Variants in WDR18 observed in about 807,000 individuals in gnomAD.
WDR18 encodes WD repeat-containing protein 18.
WDR18 carries 33 observed loss-of-function variants against 49.6 expected under a neutral mutation model. The observed-to-expected ratio is 0.67, with a 90% CI of 0.50 to 0.89. The LOEUF (loss-of-function observed/expected upper bound fraction) is 0.89, where lower values mean the gene tolerates loss of function less well. Among genes scored for constraint, WDR18 ranks in the 40% least tolerant of loss-of-function variants. The probability of loss-of-function intolerance (pLI) is 0.00; values close to 1 mark genes in which losing one functional copy is unlikely to be tolerated. For missense variants in WDR18, 653 were observed against 593.6 expected (o/e 1.10, Z -1.04); for synonymous variants, 315 against 263.6 (o/e 1.19, Z -1.89).
At chr19:992,433 G>A (rs536450110) in intron 8 of WDR18, among the ~76,000 whole-genome samples, 2 of 152,368 alleles carry the variant, frequency 1.3e-5, no homozygotes, top group South Asian at 2.1e-4. Context: ...GCAAAAGGCC[G>A]ATGCCCCATA....
intron 6 of WDR18, 35 bp from the exon 7 acceptor site, chr19:991,192 G>C: frequency 2.1e-6 from 3 of 1,432,156 alleles, no homozygotes. Context: ...CGTCCTGTCT[G>C]GCACGTCCCA....
Position 985,989 on chromosome 19 carries a change from A to G in WDR18, c.321+14A>G. 6.2e-7 allele frequency: 1 copy of G among 1,611,676 alleles called. No homozygotes were observed. Among genetic ancestry groups the G allele is most frequent in the Non-Finnish European group, 8.5e-7 (1 of 1,178,362 alleles). ...CACCTGTGGGAGGTAAGAGGAGCAA[A>G]GCGTGAGCGTTTCCCACAGGACATC... On this transcript the variant is annotated intron_variant, in intron 2 of 9. Coordinates refer to ENST00000585809, the MANE Select transcript of WDR18 (RefSeq NM_024100.4).
chr19:994,025 G>T lies in WDR18; in HGVS notation c.1104G>T (p.Ser368=). 1.3e-6 allele frequency: 2 copies of T among 1,554,890 alleles called. No homozygotes were observed. The highest frequency in any genetic ancestry group is 8.7e-7 in the Non-Finnish European group (1 of 1,150,142). The stretch of plus-strand genomic sequence containing the variant: ...CGTGGCTCCCTGTGTTACAGGGCTC[G>T]GAGCCCAGCTACCTGGACCGCACGG... ...TLRLGLHQQG[S]EPSYLDRTEQ... is the part of the protein sequence containing the mutation. Residue 368 remains serine (S), a synonymous_variant, in exon 9 of 10, where the codon TCG becomes TCT. Transcript: ENST00000585809.
Position 992,216 on chromosome 19 carries a change from C to T in WDR18, c.1098+95C>T, listed in dbSNP as rs1384073005. The T allele has an allele frequency of 4.4e-6, 6 of 1,351,010 alleles. No homozygotes were observed. In the South Asian group the frequency reaches 6.7e-5, roughly 15 times the overall value. The allele number at this position is 1,351,010 out of a possible 1,614,324, so 83.7% of individuals were successfully genotyped here. On this transcript the variant is annotated intron_variant, in intron 8 of 9. Coordinates refer to ENST00000585809, the MANE Select transcript of WDR18 (RefSeq NM_024100.4). Reference sequence around the variant, plus strand: ...CGCTCCCTTGGTCCTGGCGCCCGTGCGGCGGTTCCCCACAAGCCCGGCACT... The same window carrying T: ...CGCTCCCTTGGTCCTGGCGCCCGTGTGGCGGTTCCCCACAAGCCCGGCACT...
chr19:987,840 T>TTTG (rs1449803575), intron 2 of WDR18, among the ~76,000 whole-genome samples: 2 of 141,416 alleles, frequency 1.4e-5, no homozygotes, highest in Non-Finnish European at 3.1e-5. Context: ...TTTTTTTTTT[T>TTTG]TTTTTTTTTT....
intron 1 of WDR18, 32 bp from the exon 2 acceptor site, chr19:985,833 T>C (rs751400390): frequency 5.9e-5 from 95 of 1,608,934 alleles, no homozygotes; most frequent in Non-Finnish European, 7.9e-5. Flanking sequence ...GTGTCCTGCA[T>C]GGGGCTCACG....
In WDR18 at chr19:990,909, A is replaced by G. The variant is rs757477821; in HGVS notation, c.655A>G (p.Met219Val). The stretch of plus-strand genomic sequence containing the variant: ...CTCCGTCCTCTTTGACGTGTCCATC[A>G]TGGCAGTGACCATGGACCTGGCTGA... ...LLSVLFDVSI[M>V]AVTMDLAEHH... The change falls in exon 5 of 10, where the codon ATG becomes GTG. Residue 219 changes from methionine (M) to valine (V), a missense_variant. Transcript: ENST00000585809. 2 of 1,612,592 alleles carry G rather than the reference A, an allele frequency of 1.2e-6. No individual in the cohort carries two copies. Among genetic ancestry groups the G allele is most frequent in the South Asian group, 1.1e-5 (1 of 91,060 alleles).
chr19:991,308 G>T lies in WDR18; in HGVS notation c.888G>T (p.Trp296Cys). The T allele has an allele frequency of 6.4e-7, 1 of 1,560,700 alleles. No individual in the cohort carries two copies. The highest frequency in any genetic ancestry group is 2.4e-5 in the East Asian group (1 of 41,824). The change falls in exon 7 of 10, where the codon TGG (tryptophan) becomes TGT (cysteine). Residue 296 changes from tryptophan to cysteine, a missense_variant. Physicochemically the swap from Trp to Cys is radical, Grantham distance 215. Coordinates refer to ENST00000585809, the MANE Select transcript of WDR18 (RefSeq NM_024100.4). ...CCCACGACGAGACCGTGCGCCTCTG[G>T]GACGTGCAGAGCAAGCAGTGCATCC... ...SGSHDETVRL[W>C]DVQSKQCIRT...
rs1023503197 is a variant in WDR18 at position 993,966 on chromosome 19, C to G, written c.1099-54C>G. 2.4e-5 allele frequency: 37 copies of G among 1,538,012 alleles called. No individual in the cohort carries two copies. The African/African-American group carries it at 4.8e-4, about 20-fold the overall frequency. On this transcript the variant is annotated intron_variant, in intron 8 of 9. Coordinates refer to ENST00000585809, the MANE Select transcript of WDR18 (RefSeq NM_024100.4). Reference sequence around the variant, plus strand: ...GCTGGCGGGGGTGGGATGGGCAAAGCGTGTGGTGTGTGACAGGACGCGCCC... The same window carrying G: ...GCTGGCGGGGGTGGGATGGGCAAAGGGTGTGGTGTGTGACAGGACGCGCCC...
At position 991,368 on chromosome 19, in the gene WDR18, T is replaced by G; in HGVS notation, c.931+17T>G. Reference sequence around the variant, plus strand: ...CCCTCAAAGGTGGGCGCGCCTCTGCTCGGCCCGCGGCCAGCGCGCAGGGGA... The same window carrying G: ...CCCTCAAAGGTGGGCGCGCCTCTGCGCGGCCCGCGGCCAGCGCGCAGGGGA... On this transcript the variant is annotated intron_variant, in intron 7 of 9. Transcript: ENST00000585809. 6.6e-7 allele frequency: 1 copy of G among 1,511,570 alleles called. No homozygotes were observed. 93.6% of individuals were successfully genotyped at this position (1,511,570 alleles called of 1,614,324 possible). A position where few individuals can be genotyped will look rare whatever the true frequency, so the allele number is the denominator to read the frequency against.
chr19:990,755 G>C lies in WDR18; in HGVS notation c.598-97G>C, dbSNP rs1429223237. 6 of 1,486,686 alleles carry C rather than the reference G, an allele frequency of 4.0e-6. 1 individual carries two copies. In the African/African-American group the frequency reaches 8.4e-5, roughly 21 times the overall value. The allele number at this position is 1,486,686 out of a possible 1,614,324, so 92.1% of individuals were successfully genotyped here. ...CAAAGTCGCAAGCCCTAGGGCCAGA[G>C]GACAGCCGACGCCTGACCTCCCTGG... On this transcript the variant is annotated intron_variant, in intron 4 of 9. Coordinates refer to ENST00000585809, the MANE Select transcript of WDR18 (RefSeq NM_024100.4).
chr19:990,403 C>T (rs758104924), intron 4 of WDR18, 39 bp downstream of exon 4: 2 of 1,482,186 alleles, frequency 1.3e-6, no homozygotes, highest in Non-Finnish European at 1.8e-6. Flanking sequence ...ATGAGCGGAG[C>T]CCAGCAGCCG....
chr19:992,944 G>A (rs1490199755), intron 8 of WDR18, among the ~76,000 whole-genome samples: 2 of 152,226 alleles, frequency 1.3e-5, no homozygotes, highest in African/African-American at 2.4e-5. Flanking sequence ...TCTGGAGGGT[G>A]CCCGACAGCC....
intron 8 of WDR18, among the ~76,000 whole-genome samples, chr19:992,590 G>A (rs1372316053): frequency 4.6e-5 from 7 of 152,184 alleles, no homozygotes; most frequent in Non-Finnish European, 8.8e-5. Flanking sequence ...CCACAGTCAC[G>A]CCCTCACTCC....
intron 2 of WDR18, 31 bp from the exon 3 acceptor site, chr19:989,731 C>T (rs1420813971): frequency 3.1e-6 from 5 of 1,611,540 alleles, no homozygotes; most frequent in South Asian, 1.1e-5. Flanking sequence ...GGCTTTCCTC[C>T]CCTGACCTGG....
rs1358681585 is a variant in WDR18 at position 990,923 on chromosome 19, G to C, written c.669G>C (p.Met223Ile). Residue 223 changes from methionine (M) to isoleucine (I), a missense_variant, in exon 5 of 10, where the codon ATG (methionine) becomes ATC (isoleucine). Coordinates refer to ENST00000585809, the MANE Select transcript of WDR18 (RefSeq NM_024100.4). The part of the protein sequence containing the change: ...LFDVSIMAVT[M>I]DLAEHHMFCG... Reference sequence around the variant, plus strand: ...ACGTGTCCATCATGGCAGTGACCATGGACCTGGCTGAGCACCATATGTTCT... The same window carrying C: ...ACGTGTCCATCATGGCAGTGACCATCGACCTGGCTGAGCACCATATGTTCT... 7 of 1,612,662 alleles carry C rather than the reference G, an allele frequency of 4.3e-6. No individual in the cohort carries two copies. Among genetic ancestry groups the C allele is most frequent in the Non-Finnish European group, 5.9e-6 (7 of 1,179,884 alleles).
chr19:984,168 C>G (rs995478669), upstream of WDR18: 2 of 629,338 alleles, frequency 3.2e-6, no homozygotes, highest in Admixed American at 8.3e-5. Flanking sequence ...AAGCAGGCCG[C>G]GCGACCCTCG....
intron 8 of WDR18, among the ~76,000 whole-genome samples, chr19:992,598 T>G (rs201058235): frequency 2.0e-5 from 3 of 152,236 alleles, no homozygotes; most frequent in Middle Eastern, 3.4e-3. Flanking sequence ...ACGCCCTCAC[T>G]CCCTGCAGCT....
chr19:989,653 G>T, intron 2 of WDR18, 109 bp from the exon 3 acceptor site: 1 of 1,481,186 alleles, frequency 6.8e-7, no homozygotes, highest in Non-Finnish European at 9.1e-7. Flanking sequence ...GCAGGCAGGG[G>T]GCGACAGTGT....
Sources: gnomAD v4.1 joint callset for allele counts (sites outside exome capture counted in the v4.1 genomes callset) on GRCh38, gnomAD v4.1.1 for gene constraint, MANE v1.5 for transcripts, NCBI Gene and HGNC (gene_info 2026-07-23, HGNC 2026-07-21) for gene names.